The following VGLL3 variants were observed in gnomAD, a reference collection of about 807,000 sequenced individuals.
The protein encoded by VGLL3 is transcription cofactor vestigial-like protein 3.
VGLL3 carries 18 observed loss-of-function variants against 29.2 expected under a neutral mutation model. The ratio of observed to expected loss-of-function variants is 0.62; its 90% confidence interval spans 0.43 to 0.91. The LOEUF is 0.91. Ranked by LOEUF, VGLL3 falls within the 40% of genes least tolerant of loss-of-function variation. VGLL3 has a pLI of 0.00. For missense variants in VGLL3, 440 were observed against 413.2 expected, an observed-to-expected ratio of 1.06 and a Z score of -0.56; for synonymous variants, 180 against 151.8, an observed-to-expected ratio of 1.19 and a Z score of -1.36.
At chr3:86,967,756 T>C (rs1704994573) in intron 3 of VGLL3, among the ~76,000 whole-genome samples, 1 of 152,214 alleles carries the variant, frequency 6.6e-6, no homozygotes, top group Non-Finnish European at 1.5e-5. Flanking sequence ...TGGGCTCTGA[T>C]GCCTATGATT....
rs1197501676 is a variant in VGLL3 at position 86,942,135 on chromosome 3, G to T, written c.*4889C>A. The T allele has an allele frequency of 2.0e-5, 3 of 152,016 alleles. No individual in the cohort carries two copies. The highest frequency in any genetic ancestry group is 7.2e-5 in the African/African-American group (3 of 41,390). 9.4% of individuals were successfully genotyped at this position (152,016 alleles called of 1,614,324 possible). ...AAACTGTAATTTCTCTCTCAAACAA[G>T]CCTTTCTTATTCTGAAAGATGTCTT... is the stretch of plus-strand genomic sequence containing the variant. On this transcript the variant is annotated 3_prime_UTR_variant, in exon 4 of 4. Coordinates refer to ENST00000398399, the MANE Select transcript of VGLL3 (RefSeq NM_016206.4).
intron 2 of VGLL3, among the ~76,000 whole-genome samples, chr3:86,969,675 T>TTTTATTTA (rs201595037): frequency 0.049 from 7,154 of 145,452 alleles, 202 homozygotes; most frequent in Admixed American, 0.065. Flanking sequence ...TCCAACCTCA[T>TTTTATTTA]TTTATTTATT....
At chr3:86,986,792 G>T (rs1012213431) in intron 1 of VGLL3, among the ~76,000 whole-genome samples, 1 of 151,986 alleles carries the variant, frequency 6.6e-6, no homozygotes, top group African/African-American at 2.4e-5. Flanking sequence ...ATATTCATTT[G>T]CTAACTGGAT....
chr3:86,986,695 T>C (rs539783299), intron 1 of VGLL3, among the ~76,000 whole-genome samples: 47 of 152,322 alleles, frequency 3.1e-4, no homozygotes, highest in African/African-American at 1.1e-3. Flanking sequence ...TTTCTCTTAA[T>C]GAATCTAAAC....
At chr3:86,989,196 G>A (rs181222316) in intron 1 of VGLL3, among the ~76,000 whole-genome samples, 1 of 152,334 alleles carries the variant, frequency 6.6e-6, no homozygotes, top group East Asian at 1.9e-4. Context: ...TATAAAGGAG[G>A]AAAGTATCTT....
At chr3:86,962,275 G>A in intron 3 of VGLL3, 1 of 985,444 alleles carries the variant, frequency 1.0e-6, no homozygotes, top group Non-Finnish European at 1.2e-6. Context: ...AAAAGTAAGA[G>A]TGAGCTCGCA....
At chr3:86,953,260 T>C (rs1704650176) in intron 3 of VGLL3, among the ~76,000 whole-genome samples, 1 of 152,188 alleles carries the variant, frequency 6.6e-6, no homozygotes, top group Non-Finnish European at 1.5e-5. Flanking sequence ...TATATACACA[T>C]ACCACTTGCC....
Position 86,991,067 on chromosome 3 carries a change from G to C in VGLL3, c.-324C>G, listed in dbSNP as rs1705579198. 1 of 446,884 alleles carries C rather than the reference G, an allele frequency of 2.2e-6. No individual in the cohort carries two copies. The highest frequency in any genetic ancestry group is 3.0e-6 in the Non-Finnish European group (1 of 336,042). 27.7% of individuals were successfully genotyped at this position (446,884 alleles called of 1,614,324 possible). On this transcript the variant is annotated 5_prime_UTR_variant, in exon 1 of 4. Transcript: ENST00000398399. ...GCGTCCGGCTCCCGCGAGGGCTGCG[G>C]CGCCCACGGCAGCGCCAGTCACAGC...
rs1250570317 is a variant in VGLL3, at chr3:86,939,867, G to GC, written c.*7156_*7157insG. On this transcript the variant is annotated 3_prime_UTR_variant, in exon 4 of 4. Coordinates refer to ENST00000398399, the MANE Select transcript of VGLL3 (RefSeq NM_016206.4). Reference sequence around the variant, plus strand: ...GCAGGGAACAGCAAGATTCTCTCTTGGAAGCATCCAGGAAATGCCTCCTAC... The same window carrying GC: ...GCAGGGAACAGCAAGATTCTCTCTTGCGAAGCATCCAGGAAATGCCTCCTAC... 6.6e-6 allele frequency: 1 copy of GC among 152,120 alleles called. No homozygotes were observed. The highest frequency in any genetic ancestry group is 1.5e-5 in the Non-Finnish European group (1 of 68,030). 9.4% of individuals were successfully genotyped at this position (152,120 alleles called of 1,614,324 possible).
At chr3:86,977,881 A>T (rs1705242487) in intron 2 of VGLL3, among the ~76,000 whole-genome samples, 1 of 152,176 alleles carries the variant, frequency 6.6e-6, no homozygotes, top group Non-Finnish European at 1.5e-5. Flanking sequence ...GTCACCAATA[A>T]TTTTCTATGA....
chr3:86,985,414 G>A (rs1019519549), intron 1 of VGLL3, among the ~76,000 whole-genome samples: 7 of 152,158 alleles, frequency 4.6e-5, no homozygotes, highest in Non-Finnish European at 1.0e-4. Context: ...TGGTTTTAAG[G>A]AGAAATGACA....
At chr3:86,973,479 C>A (rs1240114039) in intron 2 of VGLL3, among the ~76,000 whole-genome samples, 1 of 152,146 alleles carries the variant, frequency 6.6e-6, no homozygotes, top group East Asian at 1.9e-4. Context: ...CCAGTGTTTT[C>A]TGTCATTCAG....
intron 3 of VGLL3, among the ~76,000 whole-genome samples, chr3:86,964,980 A>C (rs1041982160): frequency 5.3e-5 from 8 of 152,094 alleles, no homozygotes; most frequent in African/African-American, 1.9e-4. Flanking sequence ...CAACATAGTG[A>C]AACCCCATCT....
At chr3:86,960,939 A>T (rs1296473024) in intron 3 of VGLL3, among the ~76,000 whole-genome samples, 2 of 16,320 alleles carry the variant, frequency 1.2e-4, no homozygotes, top group South Asian at 5.6e-3. Flanking sequence ...TGTGATATAT[A>T]TATATATATA....
rs1367373124 is a variant in VGLL3, at chr3:86,945,276, C to T, written c.*1748G>A. The T allele has an allele frequency of 3.3e-5, 5 of 152,194 alleles. No individual in the cohort carries two copies. Among genetic ancestry groups the T allele is most frequent in the African/African-American group, 1.2e-4 (5 of 41,520 alleles). The allele number at this position is 152,194 out of a possible 1,614,324, so 9.4% of individuals were successfully genotyped here. On this transcript the variant is annotated 3_prime_UTR_variant, in exon 4 of 4. Coordinates refer to ENST00000398399, the MANE Select transcript of VGLL3 (RefSeq NM_016206.4). ...TATAAATGAATACATAAATTACAGC[C>T]AAGGAAAATATTTGAAAATTATCTA...
intron 3 of VGLL3, among the ~76,000 whole-genome samples, chr3:86,966,644 T>G: frequency 6.6e-6 from 1 of 151,370 alleles, no homozygotes. Flanking sequence ...AGTTCAAACT[T>G]CAGCTTGGAC....
chr3:86,960,924 G>A (rs1194241854), intron 3 of VGLL3, among the ~76,000 whole-genome samples: 1 of 113,624 alleles, frequency 8.8e-6, no homozygotes, highest in Non-Finnish European at 1.8e-5. Context: ...TTATGCAAAA[G>A]TAATTGTGAT....
chr3:86,977,067 A>T (rs999634711), intron 2 of VGLL3, among the ~76,000 whole-genome samples: 1 of 152,220 alleles, frequency 6.6e-6, no homozygotes, highest in Non-Finnish European at 1.5e-5. Flanking sequence ...CATATTATTT[A>T]CTAATCAAAT....
intron 3 of VGLL3, among the ~76,000 whole-genome samples, chr3:86,965,999 AT>A (rs1704950347): frequency 2.0e-5 from 3 of 152,194 alleles, no homozygotes; most frequent in Non-Finnish European, 4.4e-5. Context: ...CCTCCCAAAG[AT>A]AGAGAGATGT....
Sources: allele counts gnomAD v4.1 joint callset (sites outside exome capture counted in the v4.1 genomes callset), GRCh38; gene constraint gnomAD v4.1.1; transcripts MANE v1.5; gene names NCBI Gene and HGNC (gene_info 2026-07-23, HGNC 2026-07-21).